CERK: variants seen among roughly 807,000 people sequenced by gnomAD.
CERK encodes the protein ceramide kinase.
A neutral mutation model predicts 63.4 loss-of-function variants in CERK; 39 were observed. The ratio of observed to expected loss-of-function variants is 0.61; its 90% CI spans 0.48 to 0.80. CERK has a LOEUF of 0.80. Ranked by LOEUF, CERK falls within the 30% of genes least tolerant of loss-of-function variation. CERK has a pLI of 0.00. For synonymous variants in CERK, 302 were observed against 280.0 expected (o/e 1.08, Z -0.78); for missense variants, 670 against 714.1 (o/e 0.94, Z 0.70).
chr22:46,719,148 TTGTGTGTG>T (rs10583580), intron 3 of CERK, among the ~76,000 whole-genome samples: 2 of 149,898 alleles, frequency 1.3e-5, no homozygotes, highest in African/African-American at 2.5e-5. Flanking sequence ...ACCTACCACT[TTGTGTGTG>T]TGTGTGTGTG....
intron 4 of CERK, among the ~76,000 whole-genome samples, chr22:46,711,511 G>A (rs1160652687): frequency 6.6e-6 from 1 of 152,142 alleles, no homozygotes; most frequent in Non-Finnish European, 1.5e-5. Context: ...GAAGATGTTA[G>A]TGCAGTCTCT....
At chr22:46,700,801 C>G (rs2082779553) in intron 7 of CERK, among the ~76,000 whole-genome samples, 1 of 152,158 alleles carries the variant, frequency 6.6e-6, no homozygotes, top group Non-Finnish European at 1.5e-5. Context: ...CACCTGAGGT[C>G]AGGAGTTCGA....
At chr22:46,704,999 A>G (rs2082806358) in intron 6 of CERK, among the ~76,000 whole-genome samples, 2 of 152,240 alleles carry the variant, frequency 1.3e-5, no homozygotes, top group South Asian at 2.1e-4. Flanking sequence ...GTAAATAAAG[A>G]TAGTGAATAA....
At chr22:46,715,582 A>G (rs1248135584) in intron 3 of CERK, among the ~76,000 whole-genome samples, 1 of 152,212 alleles carries the variant, frequency 6.6e-6, no homozygotes, top group Non-Finnish European at 1.5e-5. Flanking sequence ...GCTACTTGGG[A>G]GGCTGAGGCA....
chr22:46,688,212 A>G (rs1000155547), intron 12 of CERK, among the ~76,000 whole-genome samples: 3 of 152,098 alleles, frequency 2.0e-5, no homozygotes, highest in Non-Finnish European at 4.4e-5. Flanking sequence ...ATAGAAATAA[A>G]TAAGTGACAG....
intron 3 of CERK, 74 bp from the exon 4 acceptor site, chr22:46,712,367 T>C: frequency 7.1e-7 from 1 of 1,413,222 alleles, no homozygotes; most frequent in Non-Finnish European, 9.9e-7. Context: ...CTGGACAAAA[T>C]CAAACCATGA....
intron 11 of CERK, 48 bp from the exon 12 acceptor site, chr22:46,690,248 C>G: frequency 1.9e-6 from 3 of 1,542,416 alleles, no homozygotes; most frequent in Non-Finnish European, 2.7e-6. Context: ...ACGTCATCGT[C>G]TGGGTGGGGC....
intron 6 of CERK, among the ~76,000 whole-genome samples, chr22:46,702,208 TAA>T (rs1401175534): frequency 5.4e-4 from 63 of 116,068 alleles, no homozygotes; most frequent in East Asian, 3.9e-3. Context: ...GCCAAAAAGT[TAA>T]AAAAATATAT....
At chr22:46,733,255 T>C (rs1400662218) in intron 1 of CERK, among the ~76,000 whole-genome samples, 1 of 151,348 alleles carries the variant, frequency 6.6e-6, no homozygotes, top group Non-Finnish European at 1.5e-5. Flanking sequence ...ATCCTATTTG[T>C]TGCAAATATC....
chr22:46,725,252 C>T (rs1343847029), intron 1 of CERK, among the ~76,000 whole-genome samples: 5 of 149,180 alleles, frequency 3.4e-5, no homozygotes, highest in Non-Finnish European at 7.4e-5. Context: ...GATAAAGAAC[C>T]GGGCCAAGAA....
chr22:46,693,244 A>T (rs1467422421), intron 10 of CERK, among the ~76,000 whole-genome samples, 183 bp downstream of exon 10: 2 of 152,214 alleles, frequency 1.3e-5, no homozygotes, highest in African/African-American at 4.8e-5. Flanking sequence ...CCACACAGCC[A>T]CACACGGCAA....
intron 1 of CERK, among the ~76,000 whole-genome samples, chr22:46,726,900 G>A (rs945833001): frequency 2.0e-5 from 3 of 152,184 alleles, no homozygotes; most frequent in Non-Finnish European, 4.4e-5. Context: ...ATCCAGACGC[G>A]ACTGCGTGTC....
intron 1 of CERK, among the ~76,000 whole-genome samples, chr22:46,724,389 G>A (rs1339183753): frequency 6.6e-6 from 1 of 152,212 alleles, no homozygotes; most frequent in Admixed American, 6.5e-5. Context: ...GTTTTCAACT[G>A]TGTGGGGCTG....
intron 3 of CERK, among the ~76,000 whole-genome samples, chr22:46,719,837 C>A (rs1452340107): frequency 2.0e-5 from 3 of 152,248 alleles, no homozygotes; most frequent in Non-Finnish European, 2.9e-5. Flanking sequence ...GGGTAAGTGA[C>A]CCGCCCCCAG....
intron 3 of CERK, among the ~76,000 whole-genome samples, chr22:46,717,799 A>ATATG (rs1401898914): frequency 6.6e-6 from 1 of 152,198 alleles, no homozygotes; most frequent in Non-Finnish European, 1.5e-5. Context: ...TGGGTCTGTG[A>ATATG]TATGACAAAT....
chr22:46,693,477 T>A lies in CERK; in HGVS notation c.1076A>T (p.Gln359Leu), dbSNP rs1287406399. 4 of 1,614,194 alleles carry A rather than the reference T, an allele frequency of 2.5e-6. No homozygotes were observed. Among genetic ancestry groups the A allele is most frequent in the Non-Finnish European group, 3.4e-6 (4 of 1,180,012 alleles). ...TTTCTTCTGCTCCTCCTCCAGCTGC[T>A]GCTTGCTTTGCCTGCAAACAAAGCA... ...AGCFVCRQSK[Q>L]QLEEEQKKAL... The change falls in exon 10 of 13, where the codon CAG (glutamine) becomes CTG (leucine). Residue 359 changes from glutamine (Q) to leucine (L), a missense_variant. Coordinates refer to ENST00000216264, the MANE Select transcript of CERK (RefSeq NM_022766.6).
At chr22:46,711,990 G>C (rs990363093) in intron 4 of CERK, among the ~76,000 whole-genome samples, 178 bp downstream of exon 4, 4 of 152,192 alleles carry the variant, frequency 2.6e-5, no homozygotes, top group East Asian at 3.8e-4. Context: ...GGGAGGCTGA[G>C]GCAGGAGGAT....
At chr22:46,687,668 A>G (rs993201040) in intron 12 of CERK, among the ~76,000 whole-genome samples, 3 of 151,548 alleles carry the variant, frequency 2.0e-5, no homozygotes, top group Admixed American at 6.6e-5. Flanking sequence ...TGCGTGTAAG[A>G]GATGTGTGAG....
intron 9 of CERK, 177 bp from the exon 10 acceptor site, chr22:46,693,680 C>T (rs1191041295): frequency 2.5e-5 from 14 of 566,760 alleles, no homozygotes; most frequent in Non-Finnish European, 4.5e-5. Flanking sequence ...CCTACTTTTA[C>T]AATGACACAT....
Sources: allele counts gnomAD v4.1 joint callset (sites outside exome capture counted in the v4.1 genomes callset), GRCh38; gene constraint gnomAD v4.1.1; transcripts MANE v1.5; gene names NCBI Gene and HGNC (gene_info 2026-07-23, HGNC 2026-07-21).